The following CPSF4L variants were observed in gnomAD, a reference collection of about 807,000 sequenced individuals.
CPSF4L encodes cleavage and polyadenylation specific factor 4 like, also known as putative cleavage and polyadenylation specificity factor subunit 4-like protein.
CPSF4L carries 18 observed loss-of-function variants against 24.0 expected under a neutral mutation model. The ratio of observed to expected loss-of-function variants is 0.75; its 90% CI spans 0.52 to 1.11. CPSF4L has a LOEUF of 1.11. Among genes scored for constraint, CPSF4L ranks in the 50% least tolerant of loss-of-function variants. The pLI, the probability that CPSF4L is intolerant of heterozygous loss-of-function variation, is 0.00. For synonymous variants in CPSF4L, 72 were observed against 77.2 expected, an observed-to-expected ratio of 0.93 and a Z score of 0.35; for missense variants, 211 against 221.8, an observed-to-expected ratio of 0.95 and a Z score of 0.31.
upstream of CPSF4L, among the ~76,000 whole-genome samples, chr17:73,262,745 C>G (rs2062052173): frequency 6.6e-6 from 1 of 152,212 alleles, no homozygotes; most frequent in Non-Finnish European, 1.5e-5. Context: ...CTAACTAGAG[C>G]TGCTGTTCTC....
chr17:73,251,074 G>A, intron 5 of CPSF4L: 1 of 1,549,418 alleles, frequency 6.5e-7, no homozygotes, highest in South Asian at 1.2e-5. Flanking sequence ...GAAATAGGAG[G>A]TGCTGAATCC....
chr17:73,252,839 G>T (rs1269579085), intron 4 of CPSF4L, 116 bp from the exon 5 acceptor site: 2 of 635,838 alleles, frequency 3.1e-6, no homozygotes, highest in Non-Finnish European at 5.5e-6. Context: ...CTTAATAGGG[G>T]TGGATAAATC....
Position 73,250,375 on chromosome 17 carries a change from G to T in CPSF4L, c.498-1839C>A, listed in dbSNP as rs1042704056. The stretch of plus-strand genomic sequence containing the variant: ...TTCTAAAGATGTCTAGGGAACCATA[G>T]GAGATGGTTAGCTACCTTTGTGAGG... On this transcript the variant is annotated intron_variant, in intron 5 of 5. Transcript: ENST00000344935. The T allele has an allele frequency of 4.6e-6, 7 of 1,519,916 alleles. No individual in the cohort carries two copies. The African/African-American group carries it at 9.7e-5, about 21-fold the overall frequency. 94.2% of individuals were successfully genotyped at this position (1,519,916 alleles called of 1,614,324 possible).
chr17:73,254,352 C>T (rs74465128), intron 3 of CPSF4L, among the ~76,000 whole-genome samples: 14 of 152,312 alleles, frequency 9.2e-5, no homozygotes, highest in African/African-American at 1.7e-4. Context: ...AGGCCTGCGA[C>T]GTTAAGTGGA....
chr17:73,248,147 G>A (rs117009448), downstream of CPSF4L: 1,323 of 246,292 alleles, frequency 5.4e-3, 71 homozygotes, highest in East Asian at 0.096. Context: ...TACATTTTTC[G>A]CTCATGTATG....
intron 5 of CPSF4L, among the ~76,000 whole-genome samples, chr17:73,252,159 T>G (rs1048786542): frequency 2.0e-5 from 3 of 152,180 alleles, no homozygotes; most frequent in Admixed American, 6.5e-5. Context: ...CTCACCTTCA[T>G]GTAACTCGGG....
At chr17:73,259,355 A>T (rs11867420) in intron 2 of CPSF4L, among the ~76,000 whole-genome samples, 1,918 of 20,230 alleles carry the variant, frequency 0.095, 40 homozygotes, top group Middle Eastern at 0.14. Context: ...TTCCTTTTTT[A>T]AAAAAAAAAA....
downstream of CPSF4L, chr17:73,248,363 T>C (rs933996387): frequency 1.7e-5 from 14 of 836,602 alleles, no homozygotes; most frequent in African/African-American, 1.5e-4. Flanking sequence ...AGAACGTCTC[T>C]AACATGATTT....
At chr17:73,260,716 G>GAGATCACGCC (rs1380400122) in intron 2 of CPSF4L, among the ~76,000 whole-genome samples, 3 of 152,130 alleles carry the variant, frequency 2.0e-5, no homozygotes, top group Non-Finnish European at 1.5e-5. Context: ...GCAGTGAGTT[G>GAGATCACGCC]AGATCACGCC....
At position 73,261,700 on chromosome 17, in the gene CPSF4L, C is replaced by A; in HGVS notation, c.103+16G>T. 1.3e-6 allele frequency: 2 copies of A among 1,491,122 alleles called. No individual in the cohort carries two copies. The highest frequency in any genetic ancestry group is 2.8e-5 in the African/African-American group (2 of 71,854). 92.4% of individuals were successfully genotyped at this position (1,491,122 alleles called of 1,614,324 possible). The stretch of plus-strand genomic sequence containing the variant: ...AGAGAAGGTAGGGGAGGGAAAGTGG[C>A]CCCACCCTCACTCACTGTCCATGCC... On this transcript the variant is annotated intron_variant, in intron 1 of 5. Coordinates refer to ENST00000344935, the MANE Select transcript of CPSF4L (RefSeq NM_001129885.1).
intron 3 of CPSF4L, among the ~76,000 whole-genome samples, chr17:73,254,870 C>G (rs2062018484): frequency 6.6e-6 from 1 of 152,140 alleles, no homozygotes; most frequent in Non-Finnish European, 1.5e-5. Flanking sequence ...TCTTGAACTC[C>G]TGACCTCGTG....
At chr17:73,242,133 G>A in the CPSF4L span, 5 of 631,508 alleles carry the variant, frequency 7.9e-6, no homozygotes, top group South Asian at 2.4e-5. Context: ...TAATGCACCT[G>A]TTTAGAATAT....
intron 3 of CPSF4L, among the ~76,000 whole-genome samples, chr17:73,255,049 A>G (rs558009881): frequency 1.3e-5 from 2 of 152,368 alleles, no homozygotes; most frequent in South Asian, 4.1e-4. Context: ...TTGAGAACTC[A>G]TGAATCTTTC....
downstream of CPSF4L, chr17:73,247,162 A>G: frequency 2.3e-6 from 3 of 1,303,874 alleles, no homozygotes; most frequent in Non-Finnish European, 3.3e-6. Flanking sequence ...GTTTCACACA[A>G]CAACAGCAAA....
At chr17:73,258,553 C>T (rs2062032387) in intron 2 of CPSF4L, among the ~76,000 whole-genome samples, 1 of 152,158 alleles carries the variant, frequency 6.6e-6, no homozygotes, top group African/African-American at 2.4e-5. Flanking sequence ...CCATCCGCCT[C>T]AGCCTCCCAA....
At chr17:73,262,062 A>G, upstream of CPSF4L, 1 of 538,580 alleles carries the variant, frequency 1.9e-6, no homozygotes, top group Non-Finnish European at 3.3e-6. Flanking sequence ...CACACTGTGT[A>G]CACAAGGCTC....
Position 73,261,488 on chromosome 17 carries a change from G to T in CPSF4L, c.103+228C>A, listed in dbSNP as rs372341593. ...CATCCTGGCTAACATGGTGAAACCC[G>T]GTCTCTACTAAAAATACAAAAAATC... On this transcript the variant is annotated intron_variant, in intron 1 of 5. Transcript: ENST00000344935. Among the ~76,000 whole-genome samples the T allele has an allele frequency of 8.9e-4, 135 of 152,158 alleles. 2 individuals are homozygous for T. In the Middle Eastern group the frequency reaches 0.02, roughly 23 times the overall value.
Position 73,252,736 on chromosome 17 carries a change from G to A in CPSF4L, c.404-13C>T. The A allele has an allele frequency of 6.5e-7, 1 of 1,528,980 alleles. No individual in the cohort carries two copies. Among genetic ancestry groups the A allele is most frequent in the Non-Finnish European group, 8.9e-7 (1 of 1,129,154 alleles). The allele number at this position is 1,528,980 out of a possible 1,614,324, so 94.7% of individuals were successfully genotyped here. Reference sequence around the variant, plus strand: ...TTACACAGAGGACCTGCTGAGCAAAGAGAAAGTGATGAGAAGGATCCGCTT... The same window carrying A: ...TTACACAGAGGACCTGCTGAGCAAAAAGAAAGTGATGAGAAGGATCCGCTT... On this transcript the variant is annotated splice_polypyrimidine_tract_variant and intron_variant, in intron 4 of 5. Transcript: ENST00000344935.
chr17:73,258,012 C>CTT (rs549043197), intron 2 of CPSF4L, among the ~76,000 whole-genome samples, 179 bp from the exon 3 acceptor site: 13 of 139,394 alleles, frequency 9.3e-5, no homozygotes, highest in African/African-American at 2.9e-4. Context: ...GAAGGGAGAG[C>CTT]TTTTTTTTTT....
Sources: gnomAD v4.1 joint callset for allele counts (sites outside exome capture counted in the v4.1 genomes callset) on GRCh38, gnomAD v4.1.1 for gene constraint, MANE v1.5 for transcripts, NCBI Gene and HGNC (gene_info 2026-07-23, HGNC 2026-07-21) for gene names.